The following AGBL4 variants were observed in gnomAD, a reference collection of about 807,000 sequenced individuals.
AGBL4 encodes the protein AGBL carboxypeptidase 4.
Under a neutral mutation model 66.4 loss-of-function variants are expected in AGBL4, and 58 were observed. The observed-to-expected ratio is 0.87, with a 90% CI of 0.71 to 1.09. The LOEUF (loss-of-function observed/expected upper bound fraction) is 1.09. Ranked by LOEUF, AGBL4 falls within the 50% of genes least tolerant of loss-of-function variation. The probability of loss-of-function intolerance (pLI) is 0.00; values close to 1 mark genes in which losing one functional copy is unlikely to be tolerated. For missense variants in AGBL4, 579 were observed against 631.0 expected (o/e 0.92, Z 0.88); for synonymous variants, 234 against 222.9 (o/e 1.05, Z -0.44).
chr1:50,013,628 C>T (rs1219844218), intron 1 of AGBL4, among the ~76,000 whole-genome samples: 1 of 152,168 alleles, frequency 6.6e-6, no homozygotes, highest in Admixed American at 6.5e-5. Context: ...AATGACACTA[C>T]TAAGATAAGA....
intron 3 of AGBL4, among the ~76,000 whole-genome samples, chr1:49,642,105 A>G (rs1243764261): frequency 6.6e-6 from 1 of 151,978 alleles, no homozygotes; most frequent in Non-Finnish European, 1.5e-5. Context: ...ATGGTTCTCA[A>G]AGATGGTATT....
At chr1:49,773,501 G>A (rs1644117801) in intron 2 of AGBL4, among the ~76,000 whole-genome samples, 2 of 152,118 alleles carry the variant, frequency 1.3e-5, no homozygotes, top group African/African-American at 4.8e-5. Flanking sequence ...TTCAGCTCTG[G>A]GTGGACTCAG....
At chr1:50,017,728 G>T (rs1662099208) in intron 1 of AGBL4, among the ~76,000 whole-genome samples, 1 of 152,058 alleles carries the variant, frequency 6.6e-6, no homozygotes. Context: ...ACCAAGACCT[G>T]CTTTAGGGTA....
intron 5 of AGBL4, among the ~76,000 whole-genome samples, chr1:48,993,846 C>A (rs1660798287): frequency 6.6e-6 from 1 of 152,152 alleles, no homozygotes; most frequent in Non-Finnish European, 1.5e-5. Flanking sequence ...ACAAAGATTT[C>A]ACATGATGCC....
intron 4 of AGBL4, among the ~76,000 whole-genome samples, chr1:49,049,755 C>T (rs115129754): frequency 2.0e-4 from 31 of 152,080 alleles, no homozygotes; most frequent in African/African-American, 7.2e-4. Flanking sequence ...GATAAAGATC[C>T]TGTACTTGAT....
At chr1:49,865,950 T>C (rs925708841) in intron 1 of AGBL4, 1 of 403,244 alleles carries the variant, frequency 2.5e-6, no homozygotes, top group South Asian at 1.9e-5. Flanking sequence ...AACATGAGAA[T>C]ATAATTTTGC....
intron 5 of AGBL4, among the ~76,000 whole-genome samples, chr1:48,987,138 A>G (rs1185098337): frequency 6.6e-6 from 1 of 151,962 alleles, no homozygotes; most frequent in East Asian, 1.9e-4. Flanking sequence ...ATCCCCAAAG[A>G]AGGAAAAAAA....
At chr1:49,360,051 A>G (rs1481043586) in intron 3 of AGBL4, among the ~76,000 whole-genome samples, 1 of 152,130 alleles carries the variant, frequency 6.6e-6, no homozygotes, top group Admixed American at 6.6e-5. Flanking sequence ...ACTGGCCGAT[A>G]TCAGTCACTT....
chr1:49,049,472 G>T (rs1644159148), intron 4 of AGBL4, among the ~76,000 whole-genome samples: 1 of 152,042 alleles, frequency 6.6e-6, no homozygotes, highest in Admixed American at 6.6e-5. Context: ...TGGATATTTG[G>T]ATATTTCTTC....
At chr1:48,559,875 C>T (rs753183209) in intron 11 of AGBL4, among the ~76,000 whole-genome samples, 65 of 152,000 alleles carry the variant, frequency 4.3e-4, no homozygotes, top group South Asian at 8.3e-4. Flanking sequence ...GCTTGGTATC[C>T]CTGTTGCCCC....
At chr1:49,136,731 G>T (rs1646018235) in intron 4 of AGBL4, among the ~76,000 whole-genome samples, 1 of 152,008 alleles carries the variant, frequency 6.6e-6, no homozygotes, top group Admixed American at 6.6e-5. Context: ...TAATCATTTT[G>T]TTTTTAATGA....
At chr1:49,622,372 G>A (rs767815229) in intron 3 of AGBL4, among the ~76,000 whole-genome samples, 3 of 152,106 alleles carry the variant, frequency 2.0e-5, no homozygotes, top group Non-Finnish European at 4.4e-5. Flanking sequence ...GCTCACGCCT[G>A]TAATCCCAGC....
chr1:48,809,830 A>AAG (rs894860646), intron 6 of AGBL4, among the ~76,000 whole-genome samples: 2 of 152,142 alleles, frequency 1.3e-5, no homozygotes, highest in African/African-American at 4.8e-5. Flanking sequence ...CACTGTTGGC[A>AAG]AGTAAGTCCC....
chr1:48,590,207 G>A (rs1280593644), intron 10 of AGBL4, among the ~76,000 whole-genome samples: 1 of 152,068 alleles, frequency 6.6e-6, no homozygotes, highest in African/African-American at 2.4e-5. Flanking sequence ...GAGTTCGAGA[G>A]CAGCCAGACC....
At chr1:49,488,363 T>C (rs1647113118) in intron 3 of AGBL4, among the ~76,000 whole-genome samples, 2 of 151,566 alleles carry the variant, frequency 1.3e-5, no homozygotes, top group African/African-American at 4.8e-5. Context: ...TTCATTCTAA[T>C]AGTTATTCTG....
intron 1 of AGBL4, among the ~76,000 whole-genome samples, chr1:49,934,867 T>C (rs562577209): frequency 6.8e-6 from 1 of 148,104 alleles, no homozygotes; most frequent in African/African-American, 2.5e-5. Flanking sequence ...GATGGCCGAA[T>C]AGGAACAGCT....
chr1:49,061,415 T>C (rs1644399641), intron 4 of AGBL4, among the ~76,000 whole-genome samples: 1 of 152,028 alleles, frequency 6.6e-6, no homozygotes, highest in African/African-American at 2.4e-5. Flanking sequence ...TTGCTCCATG[T>C]GAAAAGTTAT....
intron 5 of AGBL4, among the ~76,000 whole-genome samples, chr1:48,881,719 A>C (rs973891578): frequency 2.0e-5 from 3 of 152,118 alleles, no homozygotes; most frequent in African/African-American, 7.2e-5. Flanking sequence ...ACTTCTCACA[A>C]GGCATGACAA....
At chr1:49,948,538 T>C (rs1480089766) in intron 1 of AGBL4, among the ~76,000 whole-genome samples, 1 of 114,594 alleles carries the variant, frequency 8.7e-6, no homozygotes, top group Admixed American at 1.1e-4. Context: ...TATATATAAA[T>C]ATATAAATAT....
Sources: allele counts gnomAD v4.1 joint callset (sites outside exome capture counted in the v4.1 genomes callset), GRCh38; gene constraint gnomAD v4.1.1; transcripts MANE v1.5; gene names NCBI Gene and HGNC (gene_info 2026-07-23, HGNC 2026-07-21).